The following KALRN variants were observed in gnomAD, a reference collection of about 807,000 sequenced individuals.
The protein encoded by KALRN is kalirin.
KALRN carries 70 observed loss-of-function variants against 353.7 expected under a neutral mutation model. The ratio of observed to expected loss-of-function variants is 0.20; its 90% CI spans 0.16 to 0.24. The LOEUF (loss-of-function observed/expected upper bound fraction) is 0.24. Among genes scored for constraint, KALRN ranks in the 10% least tolerant of loss-of-function variants. The pLI is 1.00. For synonymous variants in KALRN, 1,391 were observed against 1,434.8 expected (o/e 0.97, Z 0.69); for missense variants, 2,791 against 3,756.7 (o/e 0.74, Z 6.72).
At chr3:124,372,989 C>T (rs999470270) in intron 10 of KALRN, among the ~76,000 whole-genome samples, 1 of 151,984 alleles carries the variant, frequency 6.6e-6, no homozygotes, top group Non-Finnish European at 1.5e-5. Flanking sequence ...TCCCGCAACT[C>T]CCTCCCCCAG....
chr3:124,377,594 T>G (rs746185961), intron 10 of KALRN, among the ~76,000 whole-genome samples: 6 of 152,174 alleles, frequency 3.9e-5, no homozygotes, highest in Middle Eastern at 3.2e-3. Flanking sequence ...TCTATATCCT[T>G]ACAAATTTCC....
intron 11 of KALRN, 75 bp from the exon 12 acceptor site, chr3:124,395,060 C>A: frequency 8.5e-7 from 1 of 1,171,564 alleles, no homozygotes; most frequent in Non-Finnish European, 1.2e-6. Context: ...TGATTCCAGT[C>A]TAGCTTCCTT....
intron 57 of KALRN, among the ~76,000 whole-genome samples, chr3:124,708,860 A>G (rs333261): frequency 0.012 from 1,895 of 152,302 alleles, 42 homozygotes; most frequent in African/African-American, 0.043. Flanking sequence ...ATGAAAAAAA[A>G]TCTTGAAAGA....
At chr3:124,100,080 C>G (rs185210494) in intron 1 of KALRN, among the ~76,000 whole-genome samples, 12 of 152,262 alleles carry the variant, frequency 7.9e-5, no homozygotes, top group Non-Finnish European at 1.0e-4. Context: ...AGGAGAATCG[C>G]TTGAACTAGG....
chr3:124,205,398 C>A (rs1361317403), intron 1 of KALRN, among the ~76,000 whole-genome samples: 1 of 152,212 alleles, frequency 6.6e-6, no homozygotes, highest in African/African-American at 2.4e-5. Flanking sequence ...ATCGCTCTCG[C>A]AGCTCCTACT....
At chr3:124,193,549 C>T (rs2075139843) in intron 1 of KALRN, among the ~76,000 whole-genome samples, 3 of 151,750 alleles carry the variant, frequency 2.0e-5, no homozygotes. Flanking sequence ...TTAACACTTC[C>T]CTATTTCCAA....
At chr3:124,278,747 G>A (rs2075042164) in intron 5 of KALRN, among the ~76,000 whole-genome samples, 1 of 152,116 alleles carries the variant, frequency 6.6e-6, no homozygotes, top group South Asian at 2.1e-4. Context: ...TCTATTTCCT[G>A]TCCTCTCCTT....
At chr3:124,081,326 C>T (rs545087571) in intron 1 of KALRN, among the ~76,000 whole-genome samples, 4 of 152,152 alleles carry the variant, frequency 2.6e-5, no homozygotes, top group Admixed American at 2.6e-4. Flanking sequence ...CTGTCCACTC[C>T]CAGTTGCCTG....
intron 10 of KALRN, among the ~76,000 whole-genome samples, chr3:124,347,837 A>G (rs552220212): frequency 6.6e-6 from 1 of 152,312 alleles, no homozygotes; most frequent in East Asian, 1.9e-4. Context: ...TGATTTGTAC[A>G]ATATTTAAAC....
chr3:124,725,820 C>T lies in KALRN; in HGVS notation c.*6350C>T, dbSNP rs2063412044. ...TCTTGGTTTTGAGTGACCCCTGCCC[C>T]CCTCAAGTCTTTTGAGAATTTGGAG... On this transcript the variant is annotated 3_prime_UTR_variant, in exon 60 of 60. Coordinates refer to ENST00000682506, the MANE Select transcript of KALRN (RefSeq NM_001388419.1). 1 of 152,178 alleles carries T rather than the reference C, an allele frequency of 6.6e-6. No individual in the cohort carries two copies. The highest frequency in any genetic ancestry group is 6.5e-5 in the Admixed American group (1 of 15,280). 9.4% of individuals were successfully genotyped at this position (152,178 alleles called of 1,614,324 possible). A position where few individuals can be genotyped will look rare whatever the true frequency, so the allele number is the denominator to read the frequency against.
chr3:124,264,570 C>G lies in KALRN; in HGVS notation c.336C>G (p.Pro112=). Residue 112 remains proline, a synonymous_variant, in exon 4 of 60, where the codon CCC becomes CCG. Coordinates refer to ENST00000682506, the MANE Select transcript of KALRN (RefSeq NM_001388419.1). ...MRGSKWDLIK[P]LLKTLQEAFP... ...GCTCCAAGTGGGACCTCATCAAGCCCCTCCTCAAAACGCTGCAGGAAGCCT... is the reference window on the plus strand; with the variant it reads ...GCTCCAAGTGGGACCTCATCAAGCCGCTCCTCAAAACGCTGCAGGAAGCCT... 6.2e-7 allele frequency: 1 copy of G among 1,614,174 alleles called. No homozygotes were observed. The highest frequency in any genetic ancestry group is 1.3e-5 in the African/African-American group (1 of 75,040).
chr3:124,453,606 G>C (rs2059012303), intron 21 of KALRN, among the ~76,000 whole-genome samples: 1 of 152,152 alleles, frequency 6.6e-6, no homozygotes, highest in East Asian at 1.9e-4. Context: ...CTGATATCTA[G>C]ATTGTAGCAT....
intron 1 of KALRN, among the ~76,000 whole-genome samples, chr3:124,161,048 A>G (rs1203729158): frequency 6.6e-6 from 1 of 152,180 alleles, no homozygotes; most frequent in Non-Finnish European, 1.5e-5. Context: ...GCTGGTGGTG[A>G]TGGTTGCACA....
chr3:124,474,796 C>A, intron 26 of KALRN, 64 bp downstream of exon 26: 1 of 1,276,204 alleles, frequency 7.8e-7, no homozygotes, highest in Non-Finnish European at 1.1e-6. Context: ...AGTGCCTGAC[C>A]TAAGGACTGG....
chr3:124,446,940 C>T (rs530399476), intron 21 of KALRN, 55 bp downstream of exon 21: 332 of 1,585,570 alleles, frequency 2.1e-4, no homozygotes, highest in Non-Finnish European at 2.3e-4. Context: ...CCATTCTGGC[C>T]AATTTCACAT....
chr3:124,249,928 C>T (rs2070882827), intron 3 of KALRN, among the ~76,000 whole-genome samples: 1 of 152,180 alleles, frequency 6.6e-6, no homozygotes, highest in East Asian at 1.9e-4. Context: ...ATGGGGATCT[C>T]ATCAGTCCCC....
intron 21 of KALRN, among the ~76,000 whole-genome samples, chr3:124,454,406 A>G (rs2059097701): frequency 6.6e-6 from 1 of 152,268 alleles, no homozygotes; most frequent in Admixed American, 6.5e-5. Flanking sequence ...CCCTCCACCT[A>G]CTTCCTAAGG....
chr3:124,583,560 T>A (rs2149278092), intron 34 of KALRN, among the ~76,000 whole-genome samples: 1 of 152,326 alleles, frequency 6.6e-6, no homozygotes, highest in Non-Finnish European at 1.5e-5. Flanking sequence ...ATGTTCGAAG[T>A]TTCTCTGTAG....
intron 3 of KALRN, among the ~76,000 whole-genome samples, chr3:124,258,282 C>G (rs1373508111): frequency 1.3e-5 from 2 of 152,202 alleles, no homozygotes; most frequent in African/African-American, 4.8e-5. Flanking sequence ...AGCATTTATT[C>G]TGGCCCCAGC....
Sources: allele counts gnomAD v4.1 joint callset (sites outside exome capture counted in the v4.1 genomes callset), GRCh38; gene constraint gnomAD v4.1.1; transcripts MANE v1.5; gene names NCBI Gene and HGNC (gene_info 2026-07-23, HGNC 2026-07-21).